HPSE2: variants seen among roughly 807,000 people sequenced by gnomAD.
HPSE2 encodes the protein inactive heparanase-2.
HPSE2 carries 38 observed loss-of-function variants against 60.5 expected under a neutral mutation model. The ratio of observed to expected loss-of-function variants is 0.63; its 90% CI spans 0.48 to 0.82. The LOEUF is 0.82. HPSE2 is among the 40% of genes least tolerant of loss of function. The pLI is 0.00. For synonymous variants in HPSE2, 295 were observed against 293.2 expected (o/e 1.01, Z -0.06); for missense variants, 713 against 740.4 (o/e 0.96, Z 0.43).
At chr10:98,917,843 T>C (rs1954165150) in intron 3 of HPSE2, among the ~76,000 whole-genome samples, 1 of 152,200 alleles carries the variant, frequency 6.6e-6, no homozygotes, top group African/African-American at 2.4e-5. Flanking sequence ...TTTCTGTTAG[T>C]CTTTCTGATG....
rs925657074 is a variant in HPSE2, at chr10:98,933,061, G to A, written c.611-189005C>T. On this transcript the variant is annotated intron_variant, in intron 3 of 11. Coordinates refer to ENST00000370552, the MANE Select transcript of HPSE2 (RefSeq NM_021828.5). ...GTTATTTTAGTTGTGATGTTAAGGT[G>A]TTGATTTGAGATCTTTCTAGCTTTT... Among the ~76,000 whole-genome samples, 2 of 143,950 alleles carry A rather than the reference G, an allele frequency of 1.4e-5. 1 individual carries two copies. Among genetic ancestry groups the A allele is most frequent in the African/African-American group, 5.7e-5 (2 of 35,372 alleles). The allele number at this position is 143,950 out of a possible 152,430, so 94.4% of individuals were successfully genotyped here.
At chr10:99,303,024 A>C in the HPSE2 span, among the ~76,000 whole-genome samples, 42 of 152,194 alleles carry the variant, frequency 2.8e-4, no homozygotes, top group Admixed American at 2.7e-3. Context: ...ACTTAAAGAG[A>C]TCATCCCACG....
At chr10:99,180,017 G>A (rs1318692427) in intron 2 of HPSE2, among the ~76,000 whole-genome samples, 1 of 152,064 alleles carries the variant, frequency 6.6e-6, no homozygotes, top group Admixed American at 6.6e-5. Flanking sequence ...GGGAAAGGAT[G>A]TCCTATTTAA....
intron 3 of HPSE2, among the ~76,000 whole-genome samples, chr10:98,766,314 C>A (rs1214934542): frequency 6.6e-6 from 1 of 152,126 alleles, no homozygotes; most frequent in Non-Finnish European, 1.5e-5. Flanking sequence ...AACCACAGAA[C>A]ATACACTAGT....
intron 3 of HPSE2, among the ~76,000 whole-genome samples, chr10:98,831,521 C>T (rs904059785): frequency 2.0e-5 from 3 of 152,208 alleles, no homozygotes; most frequent in African/African-American, 4.8e-5. Flanking sequence ...AAGTAATACA[C>T]TGATAGTGTA....
chr10:99,105,587 T>G lies in HPSE2; in HGVS notation c.610+38651A>C, dbSNP rs553911193. 5.3e-5 allele frequency among the ~76,000 whole-genome samples: 8 copies of G among 152,142 alleles called. No individual in the cohort carries two copies. In the East Asian group the frequency reaches 1.5e-3, roughly 29 times the overall value. On this transcript the variant is annotated intron_variant, in intron 3 of 11. Transcript: ENST00000370552. ...TCCAGCTTGTGACTTGTCTTTTTAT[T>G]TTCTTAATAGTGTCTTTTGAAGTAC...
chr10:98,570,952 T>A (rs186843728), intron 9 of HPSE2, among the ~76,000 whole-genome samples: 9 of 152,190 alleles, frequency 5.9e-5, no homozygotes, highest in Non-Finnish European at 1.2e-4. Flanking sequence ...CTCAAGTGTA[T>A]AAATCTAATG....
intron 3 of HPSE2, among the ~76,000 whole-genome samples, chr10:98,913,296 C>A (rs974749733): frequency 6.6e-6 from 1 of 152,168 alleles, no homozygotes; most frequent in Non-Finnish European, 1.5e-5. Flanking sequence ...CGCAACCAAA[C>A]TGGAGATGAT....
intron 3 of HPSE2, chr10:99,013,962 G>A: frequency 2.5e-6 from 1 of 406,552 alleles, no homozygotes; most frequent in East Asian, 8.4e-5. Context: ...TTCTCGGGCA[G>A]TGGACCCTGC....
intron 11 of HPSE2, among the ~76,000 whole-genome samples, chr10:98,474,309 A>AG (rs1940907074): frequency 6.6e-6 from 1 of 152,204 alleles, no homozygotes; most frequent in Non-Finnish European, 1.5e-5. Context: ...TGGTGCTTTC[A>AG]GGTATCATTA....
chr10:98,545,467 G>A (rs1000179311), intron 9 of HPSE2, among the ~76,000 whole-genome samples: 1 of 152,146 alleles, frequency 6.6e-6, no homozygotes, highest in African/African-American at 2.4e-5. Context: ...TGATCAAGTG[G>A]GCTTCATCCC....
chr10:99,103,428 G>C (rs1368424037), intron 3 of HPSE2, among the ~76,000 whole-genome samples: 3 of 152,202 alleles, frequency 2.0e-5, no homozygotes, highest in Middle Eastern at 6.8e-3. Context: ...ACTTACAAGG[G>C]ATGTGAAGGA....
At chr10:98,517,719 T>C (rs1564934007) in intron 9 of HPSE2, among the ~76,000 whole-genome samples, 1 of 152,202 alleles carries the variant, frequency 6.6e-6, no homozygotes, top group South Asian at 2.1e-4. Flanking sequence ...ACATCCCTAG[T>C]AGATAGAAAA....
At chr10:99,193,380 A>C (rs1049141024) in intron 2 of HPSE2, among the ~76,000 whole-genome samples, 3 of 152,178 alleles carry the variant, frequency 2.0e-5, no homozygotes, top group Non-Finnish European at 2.9e-5. Context: ...GAAGACTACA[A>C]GACAAGTAGA....
At chr10:99,002,156 A>C (rs563855524) in intron 3 of HPSE2, among the ~76,000 whole-genome samples, 1 of 152,274 alleles carries the variant, frequency 6.6e-6, no homozygotes, top group African/African-American at 2.4e-5. Flanking sequence ...TTGAACAACA[A>C]AATAAAGTAA....
chr10:98,837,724 A>C (rs1390362352), intron 3 of HPSE2, among the ~76,000 whole-genome samples: 6 of 151,590 alleles, frequency 4.0e-5, no homozygotes, highest in Non-Finnish European at 7.4e-5. Context: ...AATAAAAAAA[A>C]TTAGCCGGGC....
chr10:98,897,294 C>A, intron 3 of HPSE2, among the ~76,000 whole-genome samples: 1 of 151,988 alleles, frequency 6.6e-6, no homozygotes, highest in South Asian at 2.1e-4. Flanking sequence ...AGAAGTTATT[C>A]GTGTAACCAA....
At chr10:98,909,666 G>T (rs1278654624) in intron 3 of HPSE2, among the ~76,000 whole-genome samples, 3 of 151,164 alleles carry the variant, frequency 2.0e-5, no homozygotes, top group South Asian at 2.1e-4. Context: ...AAAAAGTTTG[G>T]TTTTTTTTAA....
At chr10:98,570,234 A>T (rs143794546) in intron 9 of HPSE2, among the ~76,000 whole-genome samples, 1 of 152,050 alleles carries the variant, frequency 6.6e-6, no homozygotes, top group East Asian at 1.9e-4. Flanking sequence ...GCCTTGTTTC[A>T]TTTACCTGCT....
Sources: gnomAD v4.1 joint callset for allele counts (sites outside exome capture counted in the v4.1 genomes callset) on GRCh38, gnomAD v4.1.1 for gene constraint, MANE v1.5 for transcripts, NCBI Gene and HGNC (gene_info 2026-07-23, HGNC 2026-07-21) for gene names.